Variants in SP100 observed in about 807,000 individuals in gnomAD.
SP100 encodes SP100 nuclear body protein.
Under a neutral mutation model 130.0 loss-of-function variants are expected in SP100, and 84 were observed. The observed-to-expected ratio is 0.65, with a 90% CI of 0.54 to 0.77. SP100 has a LOEUF of 0.77. Ranked by LOEUF, SP100 falls within the 30% of genes least tolerant of loss-of-function variation. SP100 has a pLI of 0.00. For synonymous variants in SP100, 331 were observed against 351.7 expected (o/e 0.94, Z 0.66); for missense variants, 978 against 1,052.2 (o/e 0.93, Z 0.97).
At chr2:230,451,971 C>T (rs936673723) in intron 8 of SP100, among the ~76,000 whole-genome samples, 2 of 152,100 alleles carry the variant, frequency 1.3e-5, no homozygotes, top group African/African-American at 4.8e-5. Flanking sequence ...GATCCAAGCT[C>T]TCTATTTTGT....
At chr2:230,506,154 G>A in intron 21 of SP100, 149 bp from the exon 22 acceptor site, 7 of 704,020 alleles carry the variant, frequency 9.9e-6, no homozygotes, top group Non-Finnish European at 1.7e-5. Context: ...TTCAGGCTGG[G>A]TATGAAGCCC....
chr2:230,475,621 G>A (rs34899209), intron 17 of SP100, among the ~76,000 whole-genome samples: 10,349 of 152,194 alleles, frequency 0.068, 523 homozygotes, highest in East Asian at 0.17. Context: ...CAAAGCCTAT[G>A]TCAGGAAGGG....
chr2:230,453,272 T>A (rs907500315), intron 8 of SP100, among the ~76,000 whole-genome samples: 1 of 152,206 alleles, frequency 6.6e-6, no homozygotes, highest in Admixed American at 6.5e-5. Flanking sequence ...ACTGCCCCCA[T>A]GACTCAATTA....
chr2:230,537,855 T>C (rs1692008114), intron 24 of SP100: 1 of 152,188 alleles, frequency 6.6e-6, no homozygotes, highest in Admixed American at 6.5e-5. Flanking sequence ...ATTGCCACAA[T>C]TGTGTAGGGT....
Position 230,416,340 on chromosome 2 carries a change from T to C in SP100, c.32+12T>C, listed in dbSNP as rs772728956. The stretch of plus-strand genomic sequence containing the variant: ...GACCTGAGCACCAGGTGAGTCTTTA[T>C]CTCCCTTCCTTTAACCTTTATCTCT... On this transcript the variant is annotated intron_variant, in intron 1 of 28. Transcript: ENST00000340126. 15 of 1,611,580 alleles carry C rather than the reference T, an allele frequency of 9.3e-6. No individual in the cohort carries two copies. In the South Asian group the frequency reaches 1.3e-4, roughly 14 times the overall value.
chr2:230,451,120 T>G (rs2063960880), intron 8 of SP100, among the ~76,000 whole-genome samples: 1 of 152,254 alleles, frequency 6.6e-6, no homozygotes, highest in Non-Finnish European at 1.5e-5. Context: ...TAGGAGCATC[T>G]GTACTGATTT....
chr2:230,501,223 A>G (rs2067002027), intron 19 of SP100, among the ~76,000 whole-genome samples: 1 of 152,180 alleles, frequency 6.6e-6, no homozygotes, highest in African/African-American at 2.4e-5. Context: ...AGCCTGAGCA[A>G]CAGAGCAAGA....
chr2:230,513,778 C>A (rs978551508), intron 24 of SP100, among the ~76,000 whole-genome samples: 1 of 152,102 alleles, frequency 6.6e-6, no homozygotes, highest in Admixed American at 6.5e-5. Flanking sequence ...AGCCATGGAT[C>A]GAAAGCAAGC....
chr2:230,511,072 T>C, intron 23 of SP100, 53 bp from the exon 24 acceptor site: 5 of 1,198,986 alleles, frequency 4.2e-6, no homozygotes, highest in South Asian at 2.4e-5. Context: ...AAATGTGGGG[T>C]TAATGAAAAA....
chr2:230,438,225 T>G (rs1321411603), intron 2 of SP100, among the ~76,000 whole-genome samples: 1 of 152,162 alleles, frequency 6.6e-6, no homozygotes, highest in Non-Finnish European at 1.5e-5. Flanking sequence ...CCTTTCAATA[T>G]CATTTTTCTT....
chr2:230,491,933 C>T (rs1343872087), intron 17 of SP100, among the ~76,000 whole-genome samples: 1 of 152,206 alleles, frequency 6.6e-6, no homozygotes, highest in Non-Finnish European at 1.5e-5. Context: ...AGCCCACACT[C>T]ATTTCCTATT....
rs1165999786 is a variant in SP100 at position 230,541,480 on chromosome 2, T to A, written c.2403+108T>A. The A allele has an allele frequency of 5.8e-6, 5 of 861,592 alleles. No homozygotes were observed. In the East Asian group the frequency reaches 1.2e-4, roughly 21 times the overall value. 53.4% of individuals were successfully genotyped at this position (861,592 alleles called of 1,614,324 possible). A position where few individuals can be genotyped will look rare whatever the true frequency, so the allele number is the denominator to read the frequency against. ...ATTTGGCTTGTTGATGAGTTTTTAG[T>A]TCAGGCTACTATAGAAATTTATCAT... On this transcript the variant is annotated intron_variant, in intron 27 of 28. Transcript: ENST00000340126.
At chr2:230,437,842 C>G (rs1458112654) in intron 2 of SP100, among the ~76,000 whole-genome samples, 2 of 152,146 alleles carry the variant, frequency 1.3e-5, no homozygotes, top group Admixed American at 1.3e-4. Context: ...AGGCATGAGC[C>G]ACTGCGCCCA....
At chr2:230,433,591 C>G (rs963859218) in intron 2 of SP100, among the ~76,000 whole-genome samples, 1 of 151,950 alleles carries the variant, frequency 6.6e-6, no homozygotes, top group Non-Finnish European at 1.5e-5. Context: ...AGAGAATTAC[C>G]ATGTTAAACA....
chr2:230,464,929 C>T (rs1454606309), intron 11 of SP100, among the ~76,000 whole-genome samples: 3 of 151,882 alleles, frequency 2.0e-5, no homozygotes, highest in Non-Finnish European at 2.9e-5. Flanking sequence ...CCACCTCTAC[C>T]AAAAATACAA....
intron 2 of SP100, among the ~76,000 whole-genome samples, chr2:230,418,424 A>G (rs2062678354): frequency 6.6e-6 from 1 of 152,086 alleles, no homozygotes. Context: ...GCTGTTAAGA[A>G]CTTTGGGATA....
At chr2:230,417,525 T>TA (rs1456986465) in intron 1 of SP100, 66 bp from the exon 2 acceptor site, 11 of 1,562,116 alleles carry the variant, frequency 7.0e-6, no homozygotes, top group Middle Eastern at 3.5e-4. Context: ...CTCTAAACCT[T>TA]AAAAATGTAA....
At chr2:230,438,116 C>T (rs1479866868) in intron 2 of SP100, among the ~76,000 whole-genome samples, 5 of 151,980 alleles carry the variant, frequency 3.3e-5, no homozygotes, top group African/African-American at 9.7e-5. Flanking sequence ...TTTTTTGTGT[C>T]ATTTTTTCTT....
intron 2 of SP100, among the ~76,000 whole-genome samples, chr2:230,441,229 A>G (rs959144467): frequency 6.6e-6 from 1 of 152,238 alleles, no homozygotes; most frequent in African/African-American, 2.4e-5. Context: ...TCATTTTATC[A>G]TTAAAGAAAT....
Sources: allele counts gnomAD v4.1 joint callset (sites outside exome capture counted in the v4.1 genomes callset), GRCh38; gene constraint gnomAD v4.1.1; transcripts MANE v1.5; gene names NCBI Gene and HGNC (gene_info 2026-07-23, HGNC 2026-07-21).